Variants in AKAP19 observed in about 807,000 individuals in gnomAD.
AKAP19 encodes the protein small A-kinase anchoring protein.
At chr2:189,994,141 GC>G in the AKAP19 span, among the ~76,000 whole-genome samples, 1 of 151,496 alleles carries the variant, frequency 6.6e-6, no homozygotes, top group African/African-American at 2.4e-5. Flanking sequence ...CTCCCAAGTA[GC>G]TGTGATTACA....
At chr2:189,953,646 A>C in the AKAP19 span, among the ~76,000 whole-genome samples, 17 of 151,748 alleles carry the variant, frequency 1.1e-4, no homozygotes, top group Non-Finnish European at 2.1e-4. Context: ...AAAAAAAAAA[A>C]AAAAAAAAAA....
chr2:189,924,108 A>G, the AKAP19 span: 1 of 1,486,386 alleles, frequency 6.7e-7, no homozygotes, highest in Non-Finnish European at 9.0e-7. Flanking sequence ...GATGATGATG[A>G]TAATGAAGAT....
At chr2:190,153,109 A>T in the AKAP19 span, among the ~76,000 whole-genome samples, 1 of 152,102 alleles carries the variant, frequency 6.6e-6, no homozygotes, top group Non-Finnish European at 1.5e-5. Flanking sequence ...GTTAGCTAGG[A>T]TGGTCTCGAT....
At chr2:190,200,866 G>A in the AKAP19 span, 1 of 167,022 alleles carries the variant, frequency 6.0e-6, no homozygotes, top group African/African-American at 2.4e-5. Flanking sequence ...AAGAAAACAA[G>A]TAGGGGTACC....
At chr2:189,995,049 G>A in the AKAP19 span, among the ~76,000 whole-genome samples, 1 of 152,170 alleles carries the variant, frequency 6.6e-6, no homozygotes, top group Non-Finnish European at 1.5e-5. Context: ...CTATCATATG[G>A]TCTGTCTTGG....
At chr2:190,169,244 C>T in the AKAP19 span, among the ~76,000 whole-genome samples, 1 of 152,140 alleles carries the variant, frequency 6.6e-6, no homozygotes, top group Non-Finnish European at 1.5e-5. Flanking sequence ...GAGAACAGCA[C>T]AGGAAAGACC....
chr2:189,942,557 G>A, the AKAP19 span, among the ~76,000 whole-genome samples: 1 of 152,206 alleles, frequency 6.6e-6, no homozygotes, highest in Non-Finnish European at 1.5e-5. Flanking sequence ...TCAGAACTAG[G>A]TAACAGGTAG....
chr2:189,905,775 GA>G, the AKAP19 span, among the ~76,000 whole-genome samples: 1 of 151,962 alleles, frequency 6.6e-6, no homozygotes, highest in African/African-American at 2.4e-5. Context: ...TCAGTTTTAG[GA>G]AGATAATTTT....
At chr2:189,931,291 C>T in the AKAP19 span, among the ~76,000 whole-genome samples, 1 of 152,034 alleles carries the variant, frequency 6.6e-6, no homozygotes, top group East Asian at 1.9e-4. Flanking sequence ...CAAATGTTAA[C>T]ATCTTACACA....
At chr2:189,923,837 G>T in the AKAP19 span, 58 of 1,610,496 alleles carry the variant, frequency 3.6e-5, no homozygotes, top group South Asian at 6.3e-4. Context: ...TGGACAGCGG[G>T]GATCTTCCAA....
At chr2:190,190,163 C>A in the AKAP19 span, among the ~76,000 whole-genome samples, 1 of 152,132 alleles carries the variant, frequency 6.6e-6, no homozygotes, top group Non-Finnish European at 1.5e-5. Flanking sequence ...AACTAACATA[C>A]CAATTAAGAT....
the AKAP19 span, among the ~76,000 whole-genome samples, chr2:189,973,462 C>G: frequency 2.0e-5 from 3 of 152,132 alleles, no homozygotes; most frequent in Non-Finnish European, 2.9e-5. Flanking sequence ...GGTTGTGTCT[C>G]TGCCAGGCTT....
At chr2:190,160,310 G>T in the AKAP19 span, among the ~76,000 whole-genome samples, 1 of 150,922 alleles carries the variant, frequency 6.6e-6, no homozygotes, top group Non-Finnish European at 1.5e-5. Context: ...TTTCCTACCT[G>T]TCTGGATGGC....
the AKAP19 span, among the ~76,000 whole-genome samples, chr2:189,961,944 G>C: frequency 3.3e-5 from 5 of 151,728 alleles, no homozygotes; most frequent in Non-Finnish European, 7.4e-5. Context: ...CTCACCGAGG[G>C]TATATTTAAA....
the AKAP19 span, among the ~76,000 whole-genome samples, chr2:190,174,632 T>C: frequency 6.6e-6 from 1 of 152,162 alleles, no homozygotes; most frequent in African/African-American, 2.4e-5. Flanking sequence ...GGAAAGTGAC[T>C]CATACTGAAA....
the AKAP19 span, among the ~76,000 whole-genome samples, chr2:190,130,283 AC>A: frequency 6.6e-6 from 1 of 152,194 alleles, no homozygotes; most frequent in African/African-American, 2.4e-5. Context: ...TTGAATTTTA[AC>A]TGGGGAAAAG....
At chr2:189,960,342 G>T in the AKAP19 span, among the ~76,000 whole-genome samples, 4 of 152,106 alleles carry the variant, frequency 2.6e-5, no homozygotes, top group African/African-American at 4.8e-5. Flanking sequence ...CAAAGCTAGG[G>T]TTCCCAGATA....
chr2:189,979,595 A>G, the AKAP19 span, among the ~76,000 whole-genome samples: 1 of 152,160 alleles, frequency 6.6e-6, no homozygotes, highest in Admixed American at 6.5e-5. Flanking sequence ...TAATTAAACT[A>G]AGGCATCTCT....
At chr2:189,905,259 A>G in the AKAP19 span, among the ~76,000 whole-genome samples, 1 of 152,130 alleles carries the variant, frequency 6.6e-6, no homozygotes, top group African/African-American at 2.4e-5. Flanking sequence ...AGTTGCAAAC[A>G]TATAATGTCC....
Sources: gnomAD v4.1 joint callset for allele counts (sites outside exome capture counted in the v4.1 genomes callset) on GRCh38, gnomAD v4.1.1 for gene constraint, MANE v1.5 for transcripts, NCBI Gene and HGNC (gene_info 2026-07-23, HGNC 2026-07-21) for gene names.